Variants in SH3GL2 observed in about 807,000 individuals in gnomAD.
The protein encoded by SH3GL2 is endophilin-A1.
Under a neutral mutation model 46.0 loss-of-function variants are expected in SH3GL2, and 24 were observed. That is an observed-to-expected ratio of 0.52 (90% CI 0.38 to 0.73). SH3GL2 has a LOEUF of 0.73. SH3GL2 is among the 30% of genes least tolerant of loss of function. The probability of loss-of-function intolerance (pLI) is 0.00; values close to 1 mark genes in which losing one functional copy is unlikely to be tolerated. For synonymous variants in SH3GL2, 196 were observed against 147.1 expected (o/e 1.33, Z -2.40); for missense variants, 413 against 424.2 (o/e 0.97, Z 0.23).
At chr9:17,622,032 C>G (rs1422663631) in intron 1 of SH3GL2, among the ~76,000 whole-genome samples, 1 of 152,138 alleles carries the variant, frequency 6.6e-6, no homozygotes, top group Admixed American at 6.5e-5. Context: ...GGAGATCTGT[C>G]TTCTTTTGAT....
At chr9:17,725,640 T>G (rs1822002349) in intron 1 of SH3GL2, among the ~76,000 whole-genome samples, 1 of 152,122 alleles carries the variant, frequency 6.6e-6, no homozygotes, top group South Asian at 2.1e-4. Flanking sequence ...GTAGCCTGCC[T>G]CTCTTCGTGT....
intron 3 of SH3GL2, among the ~76,000 whole-genome samples, chr9:17,762,567 G>A (rs192283840): frequency 1.3e-5 from 2 of 152,150 alleles, no homozygotes; most frequent in African/African-American, 4.8e-5. Flanking sequence ...AGACTATGTA[G>A]GAATAACTTT....
intron 1 of SH3GL2, among the ~76,000 whole-genome samples, chr9:17,744,600 T>G (rs978310850): frequency 6.6e-6 from 1 of 152,132 alleles, no homozygotes; most frequent in East Asian, 1.9e-4. Flanking sequence ...AATCCTGGGC[T>G]CAAGCGATCC....
At chr9:17,700,275 A>C (rs1821315318) in intron 1 of SH3GL2, among the ~76,000 whole-genome samples, 1 of 152,156 alleles carries the variant, frequency 6.6e-6, no homozygotes, top group African/African-American at 2.4e-5. Context: ...ATGTTCTCTT[A>C]CCATATTTGA....
intron 1 of SH3GL2, among the ~76,000 whole-genome samples, chr9:17,580,389 A>G (rs2134529301): frequency 6.6e-6 from 1 of 152,278 alleles, no homozygotes; most frequent in Non-Finnish European, 1.5e-5. Context: ...ACATCCAGAA[A>G]AGGTGAGGGT....
chr9:17,789,947 C>A (rs764246576), intron 6 of SH3GL2: 7 of 175,374 alleles, frequency 4.0e-5, no homozygotes, highest in Non-Finnish European at 7.8e-5. Flanking sequence ...GCCTACAAAT[C>A]GTAAAGTCAG....
At chr9:17,747,044 C>T (rs746557912) in intron 1 of SH3GL2, 22 bp from the exon 2 acceptor site, 11 of 1,522,384 alleles carry the variant, frequency 7.2e-6, no homozygotes, top group Non-Finnish European at 9.1e-6. Context: ...TAATAATTCT[C>T]CTTTGTGGTT....
At chr9:17,631,136 C>T (rs144724168) in intron 1 of SH3GL2, among the ~76,000 whole-genome samples, 1 of 152,158 alleles carries the variant, frequency 6.6e-6, no homozygotes, top group Non-Finnish European at 1.5e-5. Flanking sequence ...AGGAAAAAAC[C>T]CGCAATTATT....
Position 17,789,554 on chromosome 9 carries a change from A to G in SH3GL2, c.624+4A>G, listed in dbSNP as rs770012049. The G allele has an allele frequency of 6.2e-7, 1 of 1,613,146 alleles. No homozygotes were observed. Among genetic ancestry groups the G allele is most frequent in the Non-Finnish European group, 8.5e-7 (1 of 1,179,346 alleles). On this transcript the variant is annotated splice_donor_region_variant and intron_variant, in intron 6 of 8. Transcript: ENST00000380607. The stretch of plus-strand genomic sequence containing the variant: ...GTTCAATCTCTTGGAGATGGATGTA[A>G]GTGACTCCTGTGGTTTTCAATTTAA...
chr9:17,736,840 A>G (rs1369112714), intron 1 of SH3GL2, among the ~76,000 whole-genome samples: 2 of 152,080 alleles, frequency 1.3e-5, no homozygotes, highest in East Asian at 1.9e-4. Context: ...GTGGTTCCAA[A>G]TGATATTTCT....
chr9:17,606,121 C>G (rs1438026853), intron 1 of SH3GL2, among the ~76,000 whole-genome samples: 1 of 151,636 alleles, frequency 6.6e-6, no homozygotes, highest in African/African-American at 2.4e-5. Context: ...GAGATGGAGT[C>G]TCACTCTGTT....
At chr9:17,613,951 C>T (rs1368953246) in intron 1 of SH3GL2, among the ~76,000 whole-genome samples, 1 of 152,134 alleles carries the variant, frequency 6.6e-6, no homozygotes, top group African/African-American at 2.4e-5. Context: ...GACGACAATA[C>T]TGGAGATCTT....
chr9:17,598,031 A>T (rs1818606185), intron 1 of SH3GL2, among the ~76,000 whole-genome samples: 1 of 152,214 alleles, frequency 6.6e-6, no homozygotes, highest in Admixed American at 6.5e-5. Flanking sequence ...CAAATATATA[A>T]TTAGAATTTG....
chr9:17,625,026 G>A (rs1306520769), intron 1 of SH3GL2, among the ~76,000 whole-genome samples: 2 of 152,172 alleles, frequency 1.3e-5, no homozygotes, highest in Non-Finnish European at 2.9e-5. Context: ...TGTAAACCTT[G>A]GCTAGAGTTG....
Position 17,738,641 on chromosome 9 carries a change from T to TATAG in SH3GL2, c.46-8424_46-8423insTAGA, listed in dbSNP as rs376280314. ...TCATGTGATTTTATATATATATATA[T>TATAG]AGAGAGAGAGAGAGAGAGAGAGAGA... On this transcript the variant is annotated intron_variant, in intron 1 of 8. Coordinates refer to ENST00000380607, the MANE Select transcript of SH3GL2 (RefSeq NM_003026.5). Among the ~76,000 whole-genome samples the TATAG allele has an allele frequency of 3.4e-4, 30 of 88,882 alleles. 1 individual carries two copies. Among genetic ancestry groups the TATAG allele is most frequent in the African/African-American group, 8.6e-4 (23 of 26,852 alleles). 58.3% of individuals were successfully genotyped at this position (88,882 alleles called of 152,430 possible).
At chr9:17,760,461 G>GAGT (rs1216847915) in intron 2 of SH3GL2, among the ~76,000 whole-genome samples, 2 of 151,784 alleles carry the variant, frequency 1.3e-5, no homozygotes, top group Non-Finnish European at 2.9e-5. Flanking sequence ...GGTATATACT[G>GAGT]ATATTATACT....
intron 1 of SH3GL2, among the ~76,000 whole-genome samples, chr9:17,709,904 G>A (rs1212299005): frequency 6.6e-6 from 1 of 151,902 alleles, no homozygotes; most frequent in Non-Finnish European, 1.5e-5. Context: ...ATAGTTGGAA[G>A]CCTAGTGAGG....
At chr9:17,643,616 T>A (rs111246372) in intron 1 of SH3GL2, among the ~76,000 whole-genome samples, 2,183 of 152,230 alleles carry the variant, frequency 0.014, 51 homozygotes, top group African/African-American at 0.049. Context: ...ATTGGTTCTG[T>A]TTATGTGATG....
intron 1 of SH3GL2, among the ~76,000 whole-genome samples, chr9:17,597,467 A>C (rs982694155): frequency 1.3e-5 from 2 of 152,132 alleles, no homozygotes; most frequent in Non-Finnish European, 2.9e-5. Flanking sequence ...CAGTGAGCCA[A>C]GATCATGCCA....
Sources: allele counts gnomAD v4.1 joint callset (sites outside exome capture counted in the v4.1 genomes callset), GRCh38; gene constraint gnomAD v4.1.1; transcripts MANE v1.5; gene names NCBI Gene and HGNC (gene_info 2026-07-23, HGNC 2026-07-21).